Variants in RORB observed in about 807,000 individuals in gnomAD.
RORB encodes RAR related orphan receptor B.
Under a neutral mutation model 59.1 loss-of-function variants are expected in RORB, and 6 were observed. The observed-to-expected ratio is 0.10, with a 90% confidence interval of 0.06 to 0.20. RORB has a LOEUF of 0.20. Ranked by LOEUF, RORB falls within the 10% of genes least tolerant of loss-of-function variation. The pLI is 1.00. For synonymous variants in RORB, 215 were observed against 204.5 expected (o/e 1.05, Z -0.44); for missense variants, 320 against 560.5 (o/e 0.57, Z 4.33).
chr9:74,643,026 A>G (rs1823837773), intron 4 of RORB, among the ~76,000 whole-genome samples: 1 of 152,184 alleles, frequency 6.6e-6, no homozygotes, highest in Admixed American at 6.5e-5. Context: ...AGGAAGAAAG[A>G]AGAAATTATA....
chr9:74,674,767 A>G (rs548194512), intron 9 of RORB, among the ~76,000 whole-genome samples: 1 of 152,118 alleles, frequency 6.6e-6, no homozygotes, highest in Admixed American at 6.6e-5. Flanking sequence ...GGAAAAAAAA[A>G]CCCTATTAAA....
chr9:74,594,565 CAGAG>C (rs913585911), intron 1 of RORB, among the ~76,000 whole-genome samples: 2 of 151,942 alleles, frequency 1.3e-5, no homozygotes, highest in African/African-American at 4.8e-5. Flanking sequence ...ATATATGAGA[CAGAG>C]AGAGAAAAAA....
chr9:74,661,070 G>C (rs1259003224), intron 5 of RORB, among the ~76,000 whole-genome samples: 1 of 152,202 alleles, frequency 6.6e-6, no homozygotes, highest in Non-Finnish European at 1.5e-5. Context: ...GACTTCTTGG[G>C]TGGAGGCAAG....
intron 1 of RORB, among the ~76,000 whole-genome samples, chr9:74,626,223 G>C (rs1050165713): frequency 1.9e-4 from 29 of 152,050 alleles, no homozygotes; most frequent in Non-Finnish European, 4.1e-4. Flanking sequence ...CATAATTGTT[G>C]AATAGGATCT....
chr9:74,594,604 G>A (rs1822945837), intron 1 of RORB, among the ~76,000 whole-genome samples: 1 of 152,102 alleles, frequency 6.6e-6, no homozygotes, highest in Non-Finnish European at 1.5e-5. Flanking sequence ...ATATGCATAG[G>A]GAAAGTTCAT....
chr9:74,554,601 ACTAT>A (rs1198856397), intron 1 of RORB, among the ~76,000 whole-genome samples: 1 of 152,096 alleles, frequency 6.6e-6, no homozygotes, highest in Non-Finnish European at 1.5e-5. Flanking sequence ...ATAGAAGGTC[ACTAT>A]CTATCTTCAC....
At chr9:74,665,867 C>T (rs1052335994) in intron 7 of RORB, among the ~76,000 whole-genome samples, 41 of 152,284 alleles carry the variant, frequency 2.7e-4, no homozygotes, top group African/African-American at 8.9e-4. Flanking sequence ...GGAGGCCCAG[C>T]GTGGTGGCTC....
At chr9:74,549,496 GAGAA>G (rs1403373805) in intron 1 of RORB, among the ~76,000 whole-genome samples, 4 of 129,084 alleles carry the variant, frequency 3.1e-5, no homozygotes, top group Admixed American at 8.2e-5. Flanking sequence ...GAGAGAGAGA[GAGAA>G]AGAAAGAAAG....
intron 1 of RORB, among the ~76,000 whole-genome samples, chr9:74,569,415 T>A (rs1822517345): frequency 6.6e-6 from 1 of 152,094 alleles, no homozygotes; most frequent in Non-Finnish European, 1.5e-5. Context: ...TAAATGTCAA[T>A]GCTATTTTGT....
At chr9:74,670,233 T>C (rs941821568) in intron 8 of RORB, among the ~76,000 whole-genome samples, 2 of 152,240 alleles carry the variant, frequency 1.3e-5, no homozygotes, top group African/African-American at 4.8e-5. Flanking sequence ...AATAGTTCAA[T>C]AGAAAACTAA....
chr9:74,498,527 T>C (rs991925908), intron 1 of RORB: 7 of 152,574 alleles, frequency 4.6e-5, no homozygotes, highest in African/African-American at 1.7e-4. Context: ...GCTGCGAGGC[T>C]GGACGCGGCT....
At chr9:74,646,910 A>G (rs949954365) in intron 4 of RORB, among the ~76,000 whole-genome samples, 3 of 152,178 alleles carry the variant, frequency 2.0e-5, no homozygotes, top group African/African-American at 7.2e-5. Context: ...GGGAGACGGC[A>G]AGTATTGATC....
At chr9:74,685,408 C>T in intron 9 of RORB, 55 bp from the exon 10 acceptor site, 1 of 1,431,984 alleles carries the variant, frequency 7.0e-7, no homozygotes, top group East Asian at 2.4e-5. Flanking sequence ...GTTCCACAGA[C>T]AGAGCACTAA....
At chr9:74,623,441 C>CTTTTTTTTTT (rs35945048) in intron 1 of RORB, among the ~76,000 whole-genome samples, 1 of 145,460 alleles carries the variant, frequency 6.9e-6, no homozygotes, top group Non-Finnish European at 1.5e-5. Flanking sequence ...TTTTCTCTCT[C>CTTTTTTTTTT]TTTTTTTTTT....
chr9:74,684,581 C>A (rs773541124), intron 9 of RORB, among the ~76,000 whole-genome samples: 1 of 150,948 alleles, frequency 6.6e-6, no homozygotes, highest in Admixed American at 6.6e-5. Context: ...AAGACCCATA[C>A]GGCATTTAAA....
chr9:74,618,780 G>T (rs1417826330), intron 1 of RORB, among the ~76,000 whole-genome samples: 1 of 151,956 alleles, frequency 6.6e-6, no homozygotes, highest in Non-Finnish European at 1.5e-5. Flanking sequence ...TATTGTGGGG[G>T]GTGGAAGGCC....
At chr9:74,638,745 T>C (rs1181649974) in intron 3 of RORB, among the ~76,000 whole-genome samples, 1 of 152,174 alleles carries the variant, frequency 6.6e-6, no homozygotes, top group African/African-American at 2.4e-5. Flanking sequence ...GTACTGTAAT[T>C]TTTTTCCCAA....
At chr9:74,637,979 T>G (rs1301159860) in intron 3 of RORB, among the ~76,000 whole-genome samples, 3 of 151,998 alleles carry the variant, frequency 2.0e-5, no homozygotes, top group African/African-American at 7.3e-5. Context: ...AGAGAGAGAT[T>G]TTAAAATAAT....
chr9:74,661,667 C>T (rs1174833675), intron 5 of RORB, among the ~76,000 whole-genome samples: 37 of 87,392 alleles, frequency 4.2e-4, no homozygotes, highest in African/African-American at 1.6e-3. Context: ...TTTTTTGAGA[C>T]GGAGTCTCAC....
Sources: gnomAD v4.1 joint callset for allele counts (sites outside exome capture counted in the v4.1 genomes callset) on GRCh38, gnomAD v4.1.1 for gene constraint, MANE v1.5 for transcripts, NCBI Gene and HGNC (gene_info 2026-07-23, HGNC 2026-07-21) for gene names.